Variants in CSF1R observed in about 807,000 individuals in gnomAD.
CSF1R encodes colony stimulating factor 1 receptor.
In CSF1R, 40 loss-of-function variants were observed where a neutral mutation model predicts 110.0. The observed-to-expected ratio is 0.36, with a 90% CI of 0.28 to 0.47. The LOEUF is 0.47. CSF1R is among the 20% of genes least tolerant of loss of function. The pLI, the probability that CSF1R is intolerant of heterozygous loss-of-function variation, is 0.99. For synonymous variants in CSF1R, 523 were observed against 503.4 expected (o/e 1.04, Z -0.52); for missense variants, 1,052 against 1,253.0 (o/e 0.84, Z 2.42).
rs1757483097 is a variant in CSF1R, at chr5:150,060,913, G to C, written c.1918C>G (p.Leu640Val). The C allele has an allele frequency of 6.2e-7, 1 of 1,611,400 alleles. No homozygotes were observed. Among genetic ancestry groups the C allele is most frequent in the African/African-American group, 1.3e-5 (1 of 74,878 alleles). The stretch of plus-strand genomic sequence containing the variant: ...TTGACGATGTTCTCGTGCTGGCCCA[G>C]GTGGCTCATGATCTTCAGCTCGGAC... ...LMSELKIMSH[L>V]GQHENIVNLL... is the part of the protein sequence containing the mutation. Residue 640 changes from leucine to valine, a missense_variant, in exon 13 of 21, where the codon CTG (leucine) becomes GTG (valine). This residue lies in a region of CSF1R where 76 missense variants were observed against 133.6 expected (regional missense o/e 0.57). Coordinates refer to ENST00000675795, the MANE Select transcript of CSF1R (RefSeq NM_001288705.3).
At chr5:150,104,562 C>T (rs990754821) in intron 1 of CSF1R, among the ~76,000 whole-genome samples, 1 of 152,200 alleles carries the variant, frequency 6.6e-6, no homozygotes, top group Non-Finnish European at 1.5e-5. Context: ...AAAGGCAGCA[C>T]GCCCAGTGCT....
chr5:150,085,462 C>A (rs1031363048), intron 1 of CSF1R, among the ~76,000 whole-genome samples: 5 of 152,050 alleles, frequency 3.3e-5, no homozygotes, highest in Admixed American at 3.3e-4. Flanking sequence ...CCCAAGGTCC[C>A]TTTGAATAAG....
At chr5:150,066,081 G>A (rs1757757555) in intron 10 of CSF1R, among the ~76,000 whole-genome samples, 1 of 152,162 alleles carries the variant, frequency 6.6e-6, no homozygotes, top group Non-Finnish European at 1.5e-5. Context: ...TGGGTGGGCT[G>A]GGCCAAACAA....
At chr5:150,067,837 C>G (rs960934213) in intron 10 of CSF1R, among the ~76,000 whole-genome samples, 1 of 152,224 alleles carries the variant, frequency 6.6e-6, no homozygotes, top group Admixed American at 6.5e-5. Flanking sequence ...CTCTATAATC[C>G]ATGCTCTTGC....
chr5:150,056,730 C>T (rs1759482501), intron 16 of CSF1R, among the ~76,000 whole-genome samples: 1 of 152,096 alleles, frequency 6.6e-6, no homozygotes, highest in African/African-American at 2.4e-5. Flanking sequence ...ACATTGAACC[C>T]TTTTTCTTTT....
In CSF1R at chr5:150,086,553, T is replaced by C. The variant is rs1461112704; in HGVS notation, c.-126A>G. On this transcript the variant is annotated 5_prime_UTR_variant, in exon 1 of 21. Coordinates refer to ENST00000675795, the MANE Select transcript of CSF1R (RefSeq NM_001288705.3). The stretch of plus-strand genomic sequence containing the variant: ...CGTTCCTCTCCTCTGCACTGGCTGT[T>C]TGTCTTGTTTTCCTCTTCCTCCTCC... The C allele has an allele frequency of 4.6e-6, 4 of 863,174 alleles. No individual in the cohort carries two copies. Among genetic ancestry groups the C allele is most frequent in the Non-Finnish European group, 7.4e-6 (4 of 543,878 alleles). 53.5% of individuals were successfully genotyped at this position (863,174 alleles called of 1,614,324 possible).
At chr5:150,104,064 C>A (rs553683656) in intron 1 of CSF1R, among the ~76,000 whole-genome samples, 9 of 152,130 alleles carry the variant, frequency 5.9e-5, no homozygotes, top group Non-Finnish European at 1.2e-4. Flanking sequence ...AGCTCTCTAG[C>A]GGATTCTCAT....
intron 19 of CSF1R, 40 bp from the exon 20 acceptor site, chr5:150,054,470 A>G: frequency 6.4e-7 from 1 of 1,554,292 alleles, no homozygotes; most frequent in Non-Finnish European, 8.8e-7. Flanking sequence ...GCAGCTCCCT[A>G]GGGTCCAGGG....
intron 10 of CSF1R, 91 bp downstream of exon 10, chr5:150,068,121 TGAG>T (rs950095265): frequency 1.2e-5 from 11 of 927,098 alleles, no homozygotes; most frequent in Admixed American, 5.8e-5. Flanking sequence ...ATGGACTGAC[TGAG>T]GAGGAGGAAG....
At chr5:150,110,802 G>A (rs1407806159) in intron 1 of CSF1R, among the ~76,000 whole-genome samples, 1 of 152,008 alleles carries the variant, frequency 6.6e-6, no homozygotes, top group Non-Finnish European at 1.5e-5. Flanking sequence ...AAATGTTACT[G>A]CATTTAACAT....
In CSF1R at chr5:150,073,498, A is replaced by G. The variant is rs1758120247; in HGVS notation, c.890-5T>C. ...TCAAGTTCAAGTAGGCACTCTCTGGAAAGCAGAACACACAAGCATCTGGCA... is the reference window on the plus strand; with the variant it reads ...TCAAGTTCAAGTAGGCACTCTCTGGGAAGCAGAACACACAAGCATCTGGCA... On this transcript the variant is annotated splice_region_variant and splice_polypyrimidine_tract_variant and intron_variant, in intron 5 of 20. Transcript: ENST00000675795. 1 of 1,610,712 alleles carries G rather than the reference A, an allele frequency of 6.2e-7. No individual in the cohort carries two copies. The highest frequency in any genetic ancestry group is 8.5e-7 in the Non-Finnish European group (1 of 1,177,452).
At chr5:150,102,191 A>G (rs1759423317) in intron 1 of CSF1R, among the ~76,000 whole-genome samples, 1 of 152,104 alleles carries the variant, frequency 6.6e-6, no homozygotes, top group African/African-American at 2.4e-5. Flanking sequence ...GTACGTTAAA[A>G]CATGGAGATA....
chr5:150,094,120 G>T (rs1174769090), intron 1 of CSF1R, among the ~76,000 whole-genome samples: 1 of 150,844 alleles, frequency 6.6e-6, no homozygotes, highest in Non-Finnish European at 1.5e-5. Flanking sequence ...AATAAAACTT[G>T]AAGAAACCTG....
chr5:150,108,189 G>A (rs1232405208), intron 1 of CSF1R, among the ~76,000 whole-genome samples: 2 of 152,166 alleles, frequency 1.3e-5, no homozygotes, highest in African/African-American at 4.8e-5. Flanking sequence ...CAGATGTGAG[G>A]GCCCATAAGA....
intron 1 of CSF1R, among the ~76,000 whole-genome samples, chr5:150,092,043 A>AT (rs1184144741): frequency 6.6e-6 from 1 of 152,090 alleles, no homozygotes. Flanking sequence ...ACATTGAAAA[A>AT]TTTTTTTCCT....
At chr5:150,059,906 C>T in intron 13 of CSF1R, 44 bp from the exon 14 acceptor site, 1 of 1,577,300 alleles carries the variant, frequency 6.3e-7, no homozygotes, top group South Asian at 1.1e-5. Flanking sequence ...GCTGAGTGCT[C>T]CCCTCCATGA....
chr5:150,055,125 G>A, intron 19 of CSF1R, 112 bp downstream of exon 19: 1 of 905,734 alleles, frequency 1.1e-6, no homozygotes, highest in Non-Finnish European at 1.7e-6. Context: ...GAGAGATAAA[G>A]TCTGACCCTG....
intron 1 of CSF1R, among the ~76,000 whole-genome samples, chr5:150,112,308 T>TA (rs1759744283): frequency 6.6e-6 from 1 of 152,240 alleles, no homozygotes; most frequent in African/African-American, 2.4e-5. Context: ...AGGACTCAGG[T>TA]CACTGGGCTT....
chr5:150,082,950 G>T (rs182508877), intron 1 of CSF1R, among the ~76,000 whole-genome samples: 138 of 152,218 alleles, frequency 9.1e-4, no homozygotes, highest in Non-Finnish European at 1.4e-3. Context: ...ACCTTACAGT[G>T]GGCTTCTCCC....
Sources: gnomAD v4.1 joint callset for allele counts (sites outside exome capture counted in the v4.1 genomes callset) on GRCh38, gnomAD v4.1.1 for gene constraint, gnomAD v4.1.1 regional missense constraint, MANE v1.5 for transcripts, NCBI Gene and HGNC (gene_info 2026-07-23, HGNC 2026-07-21) for gene names.